Variants in DOP1A observed in about 807,000 individuals in gnomAD.
DOP1A encodes DOP1 leucine zipper like protein A.
Under a neutral mutation model 267.6 loss-of-function variants are expected in DOP1A, and 90 were observed. The ratio of observed to expected loss-of-function variants is 0.34; its 90% CI spans 0.28 to 0.40. The LOEUF (loss-of-function observed/expected upper bound fraction) is 0.40, where lower values mean the gene tolerates loss of function less well. Among genes scored for constraint, DOP1A ranks in the 10% least tolerant of loss-of-function variants. DOP1A has a pLI of 1.00. For synonymous variants in DOP1A, 932 were observed against 999.1 expected (o/e 0.93, Z 1.27); for missense variants, 2,437 against 2,900.4 (o/e 0.84, Z 3.67).
chr6:83,119,889 T>A, intron 9 of DOP1A, 32 bp downstream of exon 9: 1 of 1,555,036 alleles, frequency 6.4e-7, no homozygotes, highest in South Asian at 1.1e-5. Context: ...CTTTGGTTAC[T>A]TACTGACCAC....
At chr6:83,113,961 G>C (rs1774986635) in intron 7 of DOP1A, among the ~76,000 whole-genome samples, 1 of 152,100 alleles carries the variant, frequency 6.6e-6, no homozygotes, top group African/African-American at 2.4e-5. Context: ...AAATTCCTTT[G>C]ACTTATAAAC....
chr6:83,162,936 T>G lies in DOP1A; in HGVS notation c.7092+17T>G. ...AGAGCAAAGGTATCGCATTCTTTTG[T>G]GATTGTTTTGTTTTACATCACTACA... On this transcript the variant is annotated intron_variant, in intron 38 of 38. Transcript: ENST00000349129. 1.2e-6 allele frequency: 2 copies of G among 1,606,318 alleles called. No homozygotes were observed. Among genetic ancestry groups the G allele is most frequent in the Middle Eastern group, 1.7e-4 (1 of 6,012 alleles).
intron 6 of DOP1A, among the ~76,000 whole-genome samples, chr6:83,110,799 T>C (rs1354348007): frequency 1.3e-5 from 2 of 152,210 alleles, no homozygotes; most frequent in African/African-American, 2.4e-5. Context: ...GATCATACTT[T>C]ACTTTTTCTG....
At chr6:83,134,308 A>C (rs1241322632) in intron 19 of DOP1A, 21 bp downstream of exon 19, 5 of 1,596,564 alleles carry the variant, frequency 3.1e-6, no homozygotes, top group Non-Finnish European at 4.3e-6. Flanking sequence ...TTTTATATTA[A>C]GATTTCACAG....
chr6:83,130,257 A>G lies in DOP1A; in HGVS notation c.2476A>G (p.Met826Val), dbSNP rs1171244220. The G allele has an allele frequency of 2.5e-6, 4 of 1,614,090 alleles. No homozygotes were observed. Among genetic ancestry groups the G allele is most frequent in the East Asian group, 4.5e-5 (2 of 44,862 alleles). ...GGTGGGACTGACACAGTCTGTGGCC[A>G]TGGTCACTGGGGAAAACATCAACAG... ...DLVGLTQSVA[M>V]VTGENINSVE... Residue 826 changes from methionine (M) to valine (V), a missense_variant, in exon 17 of 39, where the codon ATG becomes GTG. Around this residue, in one of 9 missense-constraint regions of DOP1A, gnomAD observed 878 missense variants for 992.9 expected, o/e 0.88. Coordinates refer to ENST00000349129, the MANE Select transcript of DOP1A (RefSeq NM_015018.4).
At chr6:83,156,214 C>A in intron 34 of DOP1A, 111 bp downstream of exon 34, 3 of 798,266 alleles carry the variant, frequency 3.8e-6, no homozygotes, top group Non-Finnish European at 5.5e-6. Flanking sequence ...GTAGATCAAT[C>A]GGGAATTAGA....
chr6:83,129,590 G>A (rs753244489), intron 16 of DOP1A, 82 bp downstream of exon 16: 2 of 1,297,450 alleles, frequency 1.5e-6, no homozygotes, highest in African/African-American at 1.5e-5. Flanking sequence ...TCAAAACTGG[G>A]GTTTTTTTAG....
chr6:83,091,811 A>G (rs939540900), intron 1 of DOP1A, among the ~76,000 whole-genome samples: 1 of 152,218 alleles, frequency 6.6e-6, no homozygotes, highest in African/African-American at 2.4e-5. Flanking sequence ...AAGGAAAAAA[A>G]ATGTTCCTGC....
At chr6:83,155,740 C>T (rs72903899) in intron 33 of DOP1A, among the ~76,000 whole-genome samples, 1,825 of 152,260 alleles carry the variant, frequency 0.012, 20 homozygotes, top group Non-Finnish European at 0.018. Flanking sequence ...CTAAATTTTC[C>T]TCTCCATCAC....
chr6:83,153,633 T>G lies in DOP1A; in HGVS notation c.6239+13T>G. On this transcript the variant is annotated intron_variant, in intron 31 of 38. Coordinates refer to ENST00000349129, the MANE Select transcript of DOP1A (RefSeq NM_015018.4). Reference sequence around the variant, plus strand: ...TCAGAAATCACAGGTACTATCATTATTTAAATAGTTTTTAAAATTAATTCA... The same window carrying G: ...TCAGAAATCACAGGTACTATCATTAGTTAAATAGTTTTTAAAATTAATTCA... 6.5e-7 allele frequency: 1 copy of G among 1,541,006 alleles called. No homozygotes were observed.
intron 1 of DOP1A, among the ~76,000 whole-genome samples, chr6:83,068,549 C>T (rs1222051999): frequency 6.6e-6 from 1 of 152,148 alleles, no homozygotes; most frequent in Non-Finnish European, 1.5e-5. Flanking sequence ...ACTTCGACTC[C>T]AGCTAAAGCA....
intron 34 of DOP1A, 39 bp from the exon 35 acceptor site, chr6:83,157,143 G>A (rs951828698): frequency 4.4e-6 from 7 of 1,599,922 alleles, no homozygotes; most frequent in Non-Finnish European, 6.0e-6. Context: ...ATGTGATAAA[G>A]ATTATTTAGT....
rs762387528 is a variant in DOP1A, at chr6:83,108,891, G to T, written c.321-19G>T. ...TAGTTATTTTGCTTCCTTCTCCTTT[G>T]TCTTTATTTTTTTAATAGTTCTGGA... On this transcript the variant is annotated intron_variant, in intron 4 of 38. Transcript: ENST00000349129. 1 of 1,600,460 alleles carries T rather than the reference G, an allele frequency of 6.2e-7. No individual in the cohort carries two copies. Among genetic ancestry groups the T allele is most frequent in the Admixed American group, 1.7e-5 (1 of 58,270 alleles).
chr6:83,069,591 A>G (rs983031806), intron 1 of DOP1A, among the ~76,000 whole-genome samples: 11 of 152,198 alleles, frequency 7.2e-5, no homozygotes, highest in African/African-American at 2.7e-4. Flanking sequence ...GAGCATGAAG[A>G]TCTAGTGGCA....
At chr6:83,067,911 C>G (rs889047021) in intron 1 of DOP1A, 132 bp downstream of exon 1, 1 of 152,508 alleles carries the variant, frequency 6.6e-6, no homozygotes, top group Non-Finnish European at 1.5e-5. Flanking sequence ...GGGGTGTTGC[C>G]GCTCCGGCCC....
At chr6:83,105,847 CTT>C (rs1385808844) in intron 4 of DOP1A, among the ~76,000 whole-genome samples, 1 of 152,186 alleles carries the variant, frequency 6.6e-6, no homozygotes, top group Non-Finnish European at 1.5e-5. Context: ...ATGCCTGCTA[CTT>C]TCTAACTCTT....
At chr6:83,169,196 G>T, downstream of DOP1A, 1 of 1,611,692 alleles carries the variant, frequency 6.2e-7, no homozygotes, top group Non-Finnish European at 8.5e-7. Context: ...GTAAAGACTT[G>T]TAAAAAGTCC....
At position 83,120,717 on chromosome 6, in the gene DOP1A, G is replaced by T; in HGVS notation, c.1025G>T (p.Gly342Val). Reference sequence around the variant, plus strand: ...GGAATCTTACAAGTGAATGGATTTGGAGAAGAGAACACTCTAATGCAGGAT... The same window carrying T: ...GGAATCTTACAAGTGAATGGATTTGTAGAAGAGAACACTCTAATGCAGGAT... ...MVGILQVNGF[G>V]EENTLMQDLK... The change falls in exon 10 of 39, where the codon GGA becomes GTA. Residue 342 changes from glycine (G) to valine (V), a missense_variant. Transcript: ENST00000349129. The T allele has an allele frequency of 1.3e-6, 2 of 1,586,246 alleles. No homozygotes were observed. The highest frequency in any genetic ancestry group is 1.7e-6 in the Non-Finnish European group (2 of 1,160,122).
chr6:83,158,947 G>A (rs1437391141), intron 36 of DOP1A, among the ~76,000 whole-genome samples: 1 of 152,142 alleles, frequency 6.6e-6, no homozygotes, highest in East Asian at 1.9e-4. Context: ...ACCCTGTTAT[G>A]GTAGGTAACC....
Sources: allele counts gnomAD v4.1 joint callset (sites outside exome capture counted in the v4.1 genomes callset), GRCh38; gene constraint gnomAD v4.1.1; regional missense constraint gnomAD v4.1.1; transcripts MANE v1.5; gene names NCBI Gene and HGNC (gene_info 2026-07-23, HGNC 2026-07-21).